Variants in PARVB observed in about 807,000 individuals in gnomAD.
PARVB encodes the protein parvin beta, also known as beta-parvin.
PARVB carries 46 observed loss-of-function variants against 47.0 expected under a neutral mutation model. That is an observed-to-expected ratio of 0.98 (90% CI 0.77 to 1.25). PARVB has a LOEUF of 1.25. Among genes scored for constraint, PARVB ranks in the 50% most tolerant of loss-of-function variants. The pLI is 0.00. For synonymous variants in PARVB, 196 were observed against 196.3 expected, an observed-to-expected ratio of 1.00 and a Z score of 0.01; for missense variants, 473 against 471.6, an observed-to-expected ratio of 1.00 and a Z score of -0.03.
At chr22:44,013,579 C>G (rs762653237) in intron 2 of PARVB, among the ~76,000 whole-genome samples, 2 of 152,206 alleles carry the variant, frequency 1.3e-5, no homozygotes. Flanking sequence ...AGTCTGTGCT[C>G]TTTTGCATCT....
At chr22:44,050,347 CT>C (rs764974368) in intron 1 of PARVB, among the ~76,000 whole-genome samples, 297 of 143,106 alleles carry the variant, frequency 2.1e-3, no homozygotes, top group Admixed American at 2.9e-3. Flanking sequence ...CCCTTTCGGC[CT>C]TTTTTTTTTT....
In PARVB at chr22:44,066,804, C is replaced by CCTCCTCCTCCTT. The variant is rs1555898500; in HGVS notation, c.113-27113_113-27112insTCTCCTCCTCCT. The stretch of plus-strand genomic sequence containing the variant: ...TTCTCCTCCTCCTCCTCCTCCTCCT[C>CCTCCTCCTCCTT]CTCCTCCTCCTCCTCCTCTTCCTCC... On this transcript the variant is annotated intron_variant, in intron 1 of 12. Transcript: ENST00000338758. Among the ~76,000 whole-genome samples the CCTCCTCCTCCTT allele has an allele frequency of 1.4e-3, 183 of 131,130 alleles. 9 individuals are homozygous for CCTCCTCCTCCTT. In the East Asian group the frequency reaches 0.02, roughly 14 times the overall value. 86.0% of individuals were successfully genotyped at this position (131,130 alleles called of 152,430 possible).
intron 1 of PARVB, among the ~76,000 whole-genome samples, chr22:44,052,522 G>A (rs72619557): frequency 0.074 from 11,277 of 152,290 alleles, 712 homozygotes; most frequent in African/African-American, 0.16. Context: ...TAAAGATCCA[G>A]AGAATATTTC....
chr22:44,127,992 C>T (rs759417498), intron 4 of PARVB, among the ~76,000 whole-genome samples: 11 of 152,158 alleles, frequency 7.2e-5, no homozygotes, highest in Non-Finnish European at 1.6e-4. Context: ...TGCCATGTTG[C>T]CCAGGCTAGT....
At chr22:44,085,073 A>C (rs1294815197) in intron 1 of PARVB, among the ~76,000 whole-genome samples, 1 of 152,094 alleles carries the variant, frequency 6.6e-6, no homozygotes, top group Non-Finnish European at 1.5e-5. Context: ...TTTTCTGTGA[A>C]TTTTGATACG....
intron 1 of PARVB, 55 bp downstream of exon 1, chr22:44,024,506 C>G: frequency 1.0e-6 from 1 of 973,634 alleles, no homozygotes; most frequent in Non-Finnish European, 1.3e-6. Context: ...CGGTGCCCGC[C>G]CTCGGCCCTA....
chr22:44,034,315 T>G (rs6006628), intron 1 of PARVB, among the ~76,000 whole-genome samples: 16,360 of 74,580 alleles, frequency 0.22, 2,016 homozygotes, highest in African/African-American at 0.4. Flanking sequence ...TTGAGATGGG[T>G]GTCTTTATAC....
At chr22:44,145,693 G>A (rs879277649) in intron 8 of PARVB, 5 of 152,206 alleles carry the variant, frequency 3.3e-5, no homozygotes, top group East Asian at 3.9e-4. Context: ...ACTGTGTGAC[G>A]TGATGCCAGT....
intron 1 of PARVB, among the ~76,000 whole-genome samples, chr22:44,073,042 C>T (rs1176133888): frequency 6.6e-6 from 1 of 152,164 alleles, no homozygotes; most frequent in East Asian, 1.9e-4. Flanking sequence ...CCCCTGTGGC[C>T]CACCCAGTGC....
intron 2 of PARVB, among the ~76,000 whole-genome samples, chr22:44,096,604 T>C (rs1601594919): frequency 1.3e-5 from 2 of 152,300 alleles, no homozygotes; most frequent in East Asian, 3.9e-4. Flanking sequence ...ATTGTACAGA[T>C]GGGGAAGCTG....
chr22:44,008,738 C>T (rs1012627676), intron 2 of PARVB, among the ~76,000 whole-genome samples: 5 of 151,910 alleles, frequency 3.3e-5, no homozygotes, highest in African/African-American at 9.7e-5. Flanking sequence ...GTAATCCCAG[C>T]GCTTTGAGAG....
Position 44,017,985 on chromosome 22 carries a change from C to T in PARVB, c.211+18312C>T, listed in dbSNP as rs760079154. 7.6e-4 allele frequency among the ~76,000 whole-genome samples: 115 copies of T among 152,234 alleles called. 1 individual carries two copies. The highest frequency in any genetic ancestry group is 9.3e-4 in the Non-Finnish European group (63 of 68,014). ...CTTCTCCAGACTAGAGGGTCTGTCC[C>T]ATGCACCAGATTCTCAAAGAGGCCA... On this transcript the variant is annotated intron_variant, in intron 2 of 13. Coordinates refer to the PARVB transcript ENST00000406477.
At chr22:44,030,535 G>C (rs6006626) in intron 1 of PARVB, among the ~76,000 whole-genome samples, 1 of 152,132 alleles carries the variant, frequency 6.6e-6, no homozygotes, top group Non-Finnish European at 1.5e-5. Context: ...CTTGGCAGGG[G>C]TGGCCGATTT....
chr22:44,014,800 G>A (rs1445612903), intron 2 of PARVB, among the ~76,000 whole-genome samples: 1 of 151,932 alleles, frequency 6.6e-6, no homozygotes, highest in East Asian at 1.9e-4. Context: ...GCCAGTTCTT[G>A]ATTGTCATCT....
At chr22:44,066,347 G>A (rs1027352698) in intron 1 of PARVB, among the ~76,000 whole-genome samples, 2 of 152,194 alleles carry the variant, frequency 1.3e-5, no homozygotes, top group Non-Finnish European at 2.9e-5. Context: ...GCAAAAAGTC[G>A]AATCTGTACT....
intron 1 of PARVB, among the ~76,000 whole-genome samples, chr22:44,076,494 T>C (rs1407793273): frequency 1.3e-5 from 2 of 152,180 alleles, no homozygotes; most frequent in African/African-American, 4.8e-5. Flanking sequence ...TCTGGTAAGA[T>C]ACAGAGCCCA....
At chr22:44,111,548 G>A (rs2052699541) in intron 3 of PARVB, 2 of 133,146 alleles carry the variant, frequency 1.5e-5, no homozygotes, top group South Asian at 2.6e-4. Context: ...CCAGGCTCAA[G>A]CAATCCTCCT....
intron 1 of PARVB, chr22:44,069,032 C>T: frequency 1.6e-6 from 2 of 1,287,252 alleles, no homozygotes; most frequent in Non-Finnish European, 2.2e-6. Flanking sequence ...AAGAGGCTTT[C>T]CCTTGAAGTG....
intron 10 of PARVB, among the ~76,000 whole-genome samples, chr22:44,154,567 G>T (rs2053880209): frequency 7.1e-6 from 1 of 141,768 alleles, no homozygotes; most frequent in Non-Finnish European, 1.5e-5. Flanking sequence ...GGTTTATGTA[G>T]TCTGGTGTGT....
Sources: gnomAD v4.1 joint callset for allele counts (sites outside exome capture counted in the v4.1 genomes callset) on GRCh38, gnomAD v4.1.1 for gene constraint, MANE v1.5 for transcripts, NCBI Gene and HGNC (gene_info 2026-07-23, HGNC 2026-07-21) for gene names.